The following MAP2K5 variants were observed in gnomAD, a reference collection of about 807,000 sequenced individuals.
MAP2K5 encodes dual specificity mitogen-activated protein kinase kinase 5.
Under a neutral mutation model 83.1 loss-of-function variants are expected in MAP2K5, and 49 were observed. That is an observed-to-expected ratio of 0.59 (90% CI 0.47 to 0.75). The LOEUF is 0.75. MAP2K5 is among the 30% of genes least tolerant of loss of function. The pLI is 0.00. For missense variants in MAP2K5, 457 were observed against 557.5 expected (o/e 0.82, Z 1.82); for synonymous variants, 202 against 191.8 (o/e 1.05, Z -0.44).
In MAP2K5 at chr15:67,806,778, G is replaced by C. The variant is rs1456375769; in HGVS notation, c.*28G>C. ...CTGCCGCAGGGCACTGAAAGCCCAG[G>C]ACCAGTAACCAAGGAGAACAACCCA... On this transcript the variant is annotated 3_prime_UTR_variant, in exon 22 of 22. Transcript: ENST00000178640. The C allele has an allele frequency of 1.3e-6, 2 of 1,584,158 alleles. No homozygotes were observed. Among genetic ancestry groups the C allele is most frequent in the East Asian group, 2.3e-5 (1 of 43,756 alleles).
At chr15:67,589,783 A>ATGTGTG (rs10584480) in intron 6 of MAP2K5, among the ~76,000 whole-genome samples, 46 of 150,134 alleles carry the variant, frequency 3.1e-4, no homozygotes, top group African/African-American at 1.0e-3. Context: ...GTGTGTGTGT[A>ATGTGTG]TGTGTGTGTG....
intron 21 of MAP2K5, among the ~76,000 whole-genome samples, chr15:67,797,677 A>G (rs973063449): frequency 6.6e-6 from 1 of 151,776 alleles, no homozygotes. Context: ...GAGAATTCAC[A>G]TCTTTCATTG....
At chr15:67,568,922 C>T (rs924659347) in intron 3 of MAP2K5, among the ~76,000 whole-genome samples, 7 of 148,504 alleles carry the variant, frequency 4.7e-5, no homozygotes, top group African/African-American at 1.7e-4. Flanking sequence ...AGGAGAATTG[C>T]TTGAACCCGG....
chr15:67,586,183 T>A (rs1202013768), intron 5 of MAP2K5, among the ~76,000 whole-genome samples: 2 of 152,206 alleles, frequency 1.3e-5, no homozygotes, highest in Non-Finnish European at 2.9e-5. Context: ...TTCAGGATAA[T>A]CCTAGGTGCT....
At position 67,806,981 on chromosome 15, in the gene MAP2K5, G is replaced by A; in HGVS notation, c.*231G>A. The stretch of plus-strand genomic sequence containing the variant: ...TTGAAGGCGCTGACACTGGCAGAGA[G>A]GTAAAGGGTGGGGCATTGAGAATGG... On this transcript the variant is annotated 3_prime_UTR_variant, in exon 22 of 22. Transcript: ENST00000178640. The A allele has an allele frequency of 6.6e-7, 1 of 1,508,614 alleles. No homozygotes were observed. Among genetic ancestry groups the A allele is most frequent in the Non-Finnish European group, 8.8e-7 (1 of 1,130,886 alleles). 93.5% of individuals were successfully genotyped at this position (1,508,614 alleles called of 1,614,324 possible).
At chr15:67,621,715 G>A (rs1164677003) in intron 8 of MAP2K5, among the ~76,000 whole-genome samples, 1 of 151,992 alleles carries the variant, frequency 6.6e-6, no homozygotes, top group Non-Finnish European at 1.5e-5. Context: ...AACCAAAATA[G>A]ACCTAGAGCA....
At chr15:67,730,229 C>T (rs1358643885) in intron 17 of MAP2K5, among the ~76,000 whole-genome samples, 1 of 152,078 alleles carries the variant, frequency 6.6e-6, no homozygotes, top group Non-Finnish European at 1.5e-5. Flanking sequence ...CTCCCTTATG[C>T]CCTCAAAAAA....
Position 67,580,843 on chromosome 15 carries a change from A to G in MAP2K5, c.322+20A>G. 1 of 1,492,850 alleles carries G rather than the reference A, an allele frequency of 6.7e-7. No individual in the cohort carries two copies. 92.5% of individuals were successfully genotyped at this position (1,492,850 alleles called of 1,614,324 possible). A position where few individuals can be genotyped will look rare whatever the true frequency, so the allele number is the denominator to read the frequency against. On this transcript the variant is annotated intron_variant, in intron 4 of 21. Transcript: ENST00000178640. ...CAAGAGGTAATGTTGAGCAAATTCT[A>G]ATCAACAATGATTATTTCAGTAAAC...
intron 21 of MAP2K5, among the ~76,000 whole-genome samples, chr15:67,787,229 G>A (rs1205878129): frequency 6.6e-6 from 1 of 152,226 alleles, no homozygotes; most frequent in Non-Finnish European, 1.5e-5. Flanking sequence ...CTAACCCTTT[G>A]GCTGTTTCTC....
At chr15:67,617,012 C>T (rs1412472585) in intron 8 of MAP2K5, among the ~76,000 whole-genome samples, 1 of 152,088 alleles carries the variant, frequency 6.6e-6, no homozygotes, top group Non-Finnish European at 1.5e-5. Flanking sequence ...GCCCTGTGTC[C>T]TTCATAGAAC....
rs184476424 is a variant in MAP2K5, at chr15:67,710,344, G to A, written c.1044+6936G>A. Reference sequence around the variant, plus strand: ...GTCCTCGGAGACCCCTCTTCATCATGACCAGTGTTTTATTGAAGTGGTTTG... The same window carrying A: ...GTCCTCGGAGACCCCTCTTCATCATAACCAGTGTTTTATTGAAGTGGTTTG... On this transcript the variant is annotated intron_variant, in intron 16 of 21. Transcript: ENST00000178640. Among the ~76,000 whole-genome samples, 16 of 152,178 alleles carry A rather than the reference G, an allele frequency of 1.1e-4. No individual in the cohort carries two copies. The East Asian group carries it at 2.7e-3, about 26-fold the overall frequency.
In MAP2K5 at chr15:67,585,921, T is replaced by C. The variant is rs1336181316; in HGVS notation, c.354T>C (p.His118=). The C allele has an allele frequency of 6.2e-7, 1 of 1,613,708 alleles. No homozygotes were observed. The highest frequency in any genetic ancestry group is 1.3e-5 in the African/African-American group (1 of 74,938). ...AGCCTCCTGGGGAACGGAACATACA[T>C]GGCCTGAAGGTACGAATTTCAATAA... is the stretch of plus-strand genomic sequence containing the variant. ...ACKPPGERNI[H]GLKVNTRAGP... The change falls in exon 5 of 22, where the codon CAT becomes CAC. Residue 118 remains histidine, a synonymous_variant. Coordinates refer to ENST00000178640, the MANE Select transcript of MAP2K5 (RefSeq NM_145160.3).
intron 1 of MAP2K5, chr15:67,546,545 A>G (rs1224011622): frequency 1.0e-6 from 1 of 980,968 alleles, no homozygotes; most frequent in African/African-American, 1.7e-5. Flanking sequence ...CTGAATCATC[A>G]GGGACTGGCT....
At chr15:67,557,482 T>A (rs2084651914) in intron 2 of MAP2K5, among the ~76,000 whole-genome samples, 1 of 152,232 alleles carries the variant, frequency 6.6e-6, no homozygotes, top group South Asian at 2.1e-4. Context: ...AAATATTTAT[T>A]GAATTTGTGC....
rs538703447 is a variant in MAP2K5 at position 67,565,238 on chromosome 15, T to A, written c.252+1888T>A. Among the ~76,000 whole-genome samples the A allele has an allele frequency of 1.7e-4, 26 of 152,256 alleles. No homozygotes were observed. Among genetic ancestry groups the A allele is most frequent in the South Asian group, 8.3e-4 (4 of 4,810 alleles). On this transcript the variant is annotated intron_variant, in intron 3 of 21. Coordinates refer to ENST00000178640, the MANE Select transcript of MAP2K5 (RefSeq NM_145160.3). This position sits in a 1 kb window ranked among gnomAD's most constrained non-coding sequence, Gnocchi z 4.1. ...TTTATGTCATCACTGTTATTTATTT[T>A]TTTTTCTCCGAGATGGAGTCTTGCT...
At chr15:67,678,172 A>C (rs1330217990) in intron 13 of MAP2K5, among the ~76,000 whole-genome samples, 1 of 152,192 alleles carries the variant, frequency 6.6e-6, no homozygotes, top group African/African-American at 2.4e-5. Flanking sequence ...ATAAATAACT[A>C]GATAGATATA....
intron 16 of MAP2K5, among the ~76,000 whole-genome samples, chr15:67,707,238 C>G (rs576873922): frequency 6.6e-6 from 1 of 151,966 alleles, no homozygotes; most frequent in South Asian, 2.1e-4. Flanking sequence ...TCTTAAGGGT[C>G]AATATAATGA....
rs902005003 is a variant in MAP2K5 at position 67,796,460 on chromosome 15, A to G, written c.1243-10186A>G. On this transcript the variant is annotated intron_variant, in intron 21 of 21. Transcript: ENST00000178640. ...AGGGGAGCTGGCACATCACATGGCAAAAATATAGGCAAGAGAGACAGTGGG... is the reference window on the plus strand; with the variant it reads ...AGGGGAGCTGGCACATCACATGGCAGAAATATAGGCAAGAGAGACAGTGGG... 7.9e-5 allele frequency among the ~76,000 whole-genome samples: 12 copies of G among 152,308 alleles called. 1 individual carries two copies. Among genetic ancestry groups the G allele is most frequent in the Admixed American group, 2.0e-4 (3 of 15,300 alleles).
rs983588635 is a variant in MAP2K5 at position 67,573,547 on chromosome 15, G to T, written c.253-7207G>T. ...CCTCCTCCAATTAAACATGAGATTT[G>T]TGGGCGGGTACACAAATCCAAACCA... On this transcript the variant is annotated intron_variant, in intron 3 of 21. Transcript: ENST00000178640. This position sits in a 1 kb window ranked among gnomAD's most constrained non-coding sequence, Gnocchi z 4.2. Among the ~76,000 whole-genome samples, 1 of 152,046 alleles carries T rather than the reference G, an allele frequency of 6.6e-6. No individual in the cohort carries two copies. The highest frequency in any genetic ancestry group is 2.1e-4 in the South Asian group (1 of 4,804).
Sources: gnomAD v4.1 joint callset for allele counts (sites outside exome capture counted in the v4.1 genomes callset) on GRCh38, gnomAD v4.1.1 for gene constraint, Gnocchi (gnomAD v3.1) non-coding constraint, MANE v1.5 for transcripts, NCBI Gene and HGNC (gene_info 2026-07-23, HGNC 2026-07-21) for gene names.